Variants in ABHD3 observed in about 807,000 individuals in gnomAD.
The protein encoded by ABHD3 is phospholipase ABHD3.
Under a neutral mutation model 48.8 loss-of-function variants are expected in ABHD3, and 46 were observed. That is an observed-to-expected ratio of 0.94 (90% CI 0.74 to 1.20). The LOEUF is 1.20. Among genes scored for constraint, ABHD3 ranks in the 50% most tolerant of loss-of-function variants. The pLI is 0.00. For missense variants in ABHD3, 490 were observed against 497.8 expected (o/e 0.98, Z 0.15); for synonymous variants, 192 against 183.7 (o/e 1.04, Z -0.36).
chr18:21,678,225 G>T (rs2146310838), intron 4 of ABHD3, among the ~76,000 whole-genome samples: 1 of 152,334 alleles, frequency 6.6e-6, no homozygotes, highest in Non-Finnish European at 1.5e-5. Flanking sequence ...AAAGTGCTGG[G>T]ATTACAGGTA....
At chr18:21,684,281 C>G (rs2034686675) in intron 3 of ABHD3, among the ~76,000 whole-genome samples, 1 of 140,436 alleles carries the variant, frequency 7.1e-6, no homozygotes. Context: ...TAAAACAATT[C>G]TAAATACAAG....
At chr18:21,694,118 A>T (rs950430498) in intron 3 of ABHD3, among the ~76,000 whole-genome samples, 1 of 151,766 alleles carries the variant, frequency 6.6e-6, no homozygotes, top group Non-Finnish European at 1.5e-5. Flanking sequence ...ATTTATTTTT[A>T]TTTTTTTTGA....
At chr18:21,676,591 G>A (rs1385131446) in intron 4 of ABHD3, among the ~76,000 whole-genome samples, 6 of 152,214 alleles carry the variant, frequency 3.9e-5, no homozygotes, top group South Asian at 2.1e-4. Flanking sequence ...GGGTTTCACC[G>A]TGTTGGCCAG....
chr18:21,652,933 A>C (rs1233990293), intron 8 of ABHD3, among the ~76,000 whole-genome samples: 2 of 141,054 alleles, frequency 1.4e-5, no homozygotes, highest in African/African-American at 5.4e-5. Flanking sequence ...CACACCTGTA[A>C]TCCCAGCTCC....
intron 6 of ABHD3, among the ~76,000 whole-genome samples, chr18:21,658,833 C>T (rs1321391530): frequency 6.7e-6 from 1 of 149,024 alleles, no homozygotes; most frequent in Non-Finnish European, 1.5e-5. Context: ...CATTTGGAGA[C>T]AATAGTTTTT....
intron 3 of ABHD3, among the ~76,000 whole-genome samples, chr18:21,700,851 G>GAAAAAAAAAAAA (rs1568166438): frequency 9.5e-6 from 1 of 105,534 alleles, no homozygotes; most frequent in African/African-American, 4.1e-5. Flanking sequence ...AAAAAAAAAT[G>GAAAAAAAAAAAA]GAACCAGGCT....
chr18:21,674,731 C>T lies in ABHD3; in HGVS notation c.555+9189G>A, dbSNP rs1016036454. ...ATTTTTGAAGCATTTAGGAAAGGGCCGACTTGGGTGCAACAATATGTCCAG... is the reference window on the plus strand; with the variant it reads ...ATTTTTGAAGCATTTAGGAAAGGGCTGACTTGGGTGCAACAATATGTCCAG... On this transcript the variant is annotated intron_variant, in intron 4 of 8. Coordinates refer to ENST00000289119, the MANE Select transcript of ABHD3 (RefSeq NM_138340.5). Among the ~76,000 whole-genome samples the T allele has an allele frequency of 5.9e-5, 9 of 152,150 alleles. No homozygotes were observed. In the East Asian group the frequency reaches 1.2e-3, roughly 20 times the overall value.
intron 3 of ABHD3, among the ~76,000 whole-genome samples, chr18:21,696,952 T>C (rs918978203): frequency 3.9e-5 from 6 of 152,164 alleles, no homozygotes; most frequent in Admixed American, 6.6e-5. Flanking sequence ...TTATCTGGCT[T>C]AGCAACTTTC....
Position 21,659,226 on chromosome 18 carries a change from C to T in ABHD3, c.786G>A (p.Leu262=), listed in dbSNP as rs1346787038. The T allele has an allele frequency of 1.2e-6, 2 of 1,613,872 alleles. No homozygotes were observed. Among genetic ancestry groups the T allele is most frequent in the African/African-American group, 1.3e-5 (1 of 75,026 alleles). The change falls in exon 6 of 9, where the codon CTG becomes CTA. Residue 262 remains leucine (L), a synonymous_variant. Transcript: ENST00000289119. Reference sequence around the variant, plus strand: ...AATAGTAATTAAAAAGTAGCCAGTTCAGTGGTTTTTCCAATGACTCTGAGC... The same window carrying T: ...AATAGTAATTAAAAAGTAGCCAGTTTAGTGGTTTTTCCAATGACTCTGAGC... The part of the protein sequence containing the change: ...FACSESLEKP[L]NWLLFNYYLT...
At chr18:21,669,996 C>A (rs927936780) in intron 4 of ABHD3, among the ~76,000 whole-genome samples, 1 of 152,178 alleles carries the variant, frequency 6.6e-6, no homozygotes, top group South Asian at 2.1e-4. Flanking sequence ...GAAAATGATA[C>A]CAGGCAGTTT....
At chr18:21,668,909 T>C (rs539946454) in intron 4 of ABHD3, among the ~76,000 whole-genome samples, 17 of 152,226 alleles carry the variant, frequency 1.1e-4, no homozygotes, top group Non-Finnish European at 2.2e-4. Context: ...TACACTGCAA[T>C]AGACACTTAA....
intron 8 of ABHD3, chr18:21,654,779 G>A (rs975137384): frequency 6.6e-5 from 10 of 152,222 alleles, no homozygotes; most frequent in African/African-American, 2.4e-4. Context: ...GATGCTGGCT[G>A]CCTGTTCTCT....
Position 21,702,402 on chromosome 18 carries a change from A to T in ABHD3, c.423T>A (p.Thr141=), listed in dbSNP as rs994773059. 3 of 1,614,054 alleles carry T rather than the reference A, an allele frequency of 1.9e-6. No homozygotes were observed. The African/African-American group carries it at 4.0e-5, about 22-fold the overall frequency. ...CCGTGAGGCCAGGCAACAATAAGAT[A>T]GTAGGTCTGGTGCTGGCATCCATAT... The part of the protein sequence containing the change: ...TCYMDASTRP[T]ILLLPGLTGT... The change falls in exon 3 of 9, where the codon ACT becomes ACA. Residue 141 remains threonine (T), a synonymous_variant. Transcript: ENST00000289119.
chr18:21,657,180 A>G (rs2039375390), intron 6 of ABHD3, 28 bp from the exon 7 acceptor site: 1 of 1,581,334 alleles, frequency 6.3e-7, no homozygotes. Context: ...CGGAAGTAAA[A>G]ATCAAGATCA....
intron 4 of ABHD3, among the ~76,000 whole-genome samples, chr18:21,665,633 G>T (rs1001552779): frequency 2.0e-5 from 3 of 152,004 alleles, no homozygotes; most frequent in Non-Finnish European, 4.4e-5. Context: ...CTAAAACAGC[G>T]AAACCCTGTC....
chr18:21,657,210 A>G (rs1441411035), intron 6 of ABHD3, 58 bp from the exon 7 acceptor site: 1 of 1,491,216 alleles, frequency 6.7e-7, no homozygotes, highest in Non-Finnish European at 9.0e-7. Flanking sequence ...CATCATACTA[A>G]AAGGACTTAA....
intron 4 of ABHD3, among the ~76,000 whole-genome samples, chr18:21,680,100 AC>A (rs2039973471): frequency 6.6e-6 from 1 of 151,662 alleles, no homozygotes; most frequent in Non-Finnish European, 1.5e-5. Flanking sequence ...TGCAACCTCC[AC>A]CTCCTGGGTT....
rs1430475122 is a variant in ABHD3, at chr18:21,664,238, TA to T, written c.556-9del. 2 of 1,600,940 alleles carry T rather than the reference TA, an allele frequency of 1.2e-6. No homozygotes were observed. Among genetic ancestry groups the T allele is most frequent in the African/African-American group, 2.7e-5 (2 of 74,106 alleles). On this transcript the variant is annotated splice_polypyrimidine_tract_variant and intron_variant, in intron 4 of 8. Transcript: ENST00000289119. ...ACAATAAGTCCTTGGCGTCTGGAAGTAGTGACAAGTAAAGCACAAAAATTAC... is the reference window on the plus strand; with the variant it reads ...ACAATAAGTCCTTGGCGTCTGGAAGTGTGACAAGTAAAGCACAAAAATTAC...
intron 4 of ABHD3, among the ~76,000 whole-genome samples, chr18:21,670,380 A>C (rs1331186308): frequency 6.6e-6 from 1 of 151,738 alleles, no homozygotes; most frequent in African/African-American, 2.4e-5. Context: ...TTTCTTGATA[A>C]TCATTCATAA....
Sources: gnomAD v4.1 joint callset for allele counts (sites outside exome capture counted in the v4.1 genomes callset) on GRCh38, gnomAD v4.1.1 for gene constraint, MANE v1.5 for transcripts, NCBI Gene and HGNC (gene_info 2026-07-23, HGNC 2026-07-21) for gene names.